CSMD1: variants seen among roughly 807,000 people sequenced by gnomAD.
CSMD1 encodes the protein CUB and sushi domain-containing protein 1.
CSMD1 carries 213 observed loss-of-function variants against 417.5 expected under a neutral mutation model. The ratio of observed to expected loss-of-function variants is 0.51; its 90% CI spans 0.46 to 0.57. The LOEUF is 0.57. CSMD1 is among the 20% of genes least tolerant of loss of function. The pLI is 0.00. For synonymous variants in CSMD1, 2,862 were observed against 1,736.8 expected (o/e 1.65, Z -16.11); for missense variants, 6,923 against 4,529.7 (o/e 1.53, Z -15.17).
chr8:3,573,410 A>C (rs1800022268), intron 10 of CSMD1, among the ~76,000 whole-genome samples: 1 of 152,198 alleles, frequency 6.6e-6, no homozygotes, highest in African/African-American at 2.4e-5. Flanking sequence ...CCCAGGGTAC[A>C]ACACGGCTCT....
intron 37 of CSMD1, among the ~76,000 whole-genome samples, chr8:3,176,898 C>T (rs1394776731): frequency 6.6e-6 from 1 of 151,940 alleles, no homozygotes; most frequent in East Asian, 1.9e-4. Flanking sequence ...CCCACCTCAG[C>T]CTCCTGTGTA....
At chr8:4,872,165 C>G (rs1421967711) in intron 1 of CSMD1, among the ~76,000 whole-genome samples, 1 of 152,114 alleles carries the variant, frequency 6.6e-6, no homozygotes, top group Non-Finnish European at 1.5e-5. Context: ...TGAATGCAAA[C>G]TAAGGCACTC....
At chr8:3,041,465 T>C (rs1341623095) in intron 50 of CSMD1, among the ~76,000 whole-genome samples, 2 of 152,132 alleles carry the variant, frequency 1.3e-5, no homozygotes, top group African/African-American at 2.4e-5. Context: ...TCTAGCAACA[T>C]TTAAATTTTT....
chr8:4,640,582 T>G (rs565154138), intron 1 of CSMD1, among the ~76,000 whole-genome samples: 1 of 152,204 alleles, frequency 6.6e-6, no homozygotes, highest in African/African-American at 2.4e-5. Flanking sequence ...ATACATGTTT[T>G]CTTTGTAAAC....
rs1291103877 is a variant in CSMD1 at position 4,050,786 on chromosome 8, T to C, written c.416-18687A>G. On this transcript the variant is annotated intron_variant, in intron 3 of 69. Transcript: ENST00000635120. ...TTGACCAAGTGTATAAAATTCAGAG[T>C]CCCTGAAACGGTGAATTTACCATCT... Among the ~76,000 whole-genome samples, 4 of 152,082 alleles carry C rather than the reference T, an allele frequency of 2.6e-5. No homozygotes were observed. In the East Asian group the frequency reaches 7.7e-4, roughly 29 times the overall value.
At chr8:3,881,525 T>C (rs1044648754) in intron 5 of CSMD1, among the ~76,000 whole-genome samples, 1 of 149,134 alleles carries the variant, frequency 6.7e-6, no homozygotes, top group African/African-American at 2.5e-5. Context: ...TAATCTCAGC[T>C]ACTCAGGAGG....
chr8:3,302,852 G>C (rs1019228100), intron 25 of CSMD1, among the ~76,000 whole-genome samples: 3 of 152,120 alleles, frequency 2.0e-5, no homozygotes, highest in Non-Finnish European at 2.9e-5. Context: ...TAACTAATCT[G>C]TGGCAACTGA....
At chr8:4,596,794 C>A in intron 2 of CSMD1, among the ~76,000 whole-genome samples, 1 of 152,322 alleles carries the variant, frequency 6.6e-6, no homozygotes, top group East Asian at 1.9e-4. Context: ...AACTTGAATT[C>A]TATCTACCAG....
At chr8:2,946,311 G>A (rs138511724) in intron 68 of CSMD1, among the ~76,000 whole-genome samples, 2 of 152,254 alleles carry the variant, frequency 1.3e-5, no homozygotes, top group Non-Finnish European at 1.5e-5. Flanking sequence ...ATAGGGTGGT[G>A]CAATCACCAC....
intron 10 of CSMD1, among the ~76,000 whole-genome samples, chr8:3,568,882 C>T (rs879453524): frequency 5.9e-5 from 9 of 152,024 alleles, no homozygotes; most frequent in Non-Finnish European, 7.4e-5. Context: ...CTTCATGATA[C>T]ATTTAAACTT....
chr8:3,958,852 T>G (rs1812140323), intron 5 of CSMD1, among the ~76,000 whole-genome samples: 1 of 152,188 alleles, frequency 6.6e-6, no homozygotes, highest in Non-Finnish European at 1.5e-5. Flanking sequence ...GTAGGTGAAG[T>G]GTAAGTAGAT....
At chr8:4,446,759 G>GTGTGTGTC (rs1798829091) in intron 2 of CSMD1, among the ~76,000 whole-genome samples, 6 of 47,114 alleles carry the variant, frequency 1.3e-4, no homozygotes, top group South Asian at 8.0e-4. Context: ...GTGTGTCTGT[G>GTGTGTGTC]TGTGTGTGTG....
At chr8:4,319,130 G>C (rs181386092) in intron 3 of CSMD1, among the ~76,000 whole-genome samples, 5 of 152,198 alleles carry the variant, frequency 3.3e-5, no homozygotes, top group East Asian at 1.9e-4. Context: ...TTTAAAAGCA[G>C]ATTAAATCAA....
At chr8:4,759,814 G>A (rs180762698) in intron 1 of CSMD1, among the ~76,000 whole-genome samples, 1 of 152,154 alleles carries the variant, frequency 6.6e-6, no homozygotes, top group Admixed American at 6.5e-5. Flanking sequence ...GTGTGTCACT[G>A]ATGGACATTT....
At position 4,020,066 on chromosome 8, in the gene CSMD1, T is replaced by C. The variant is rs879698139; in HGVS notation, c.610+11839A>G. On this transcript the variant is annotated intron_variant, in intron 4 of 69. Coordinates refer to ENST00000635120, the MANE Select transcript of CSMD1 (RefSeq NM_033225.6). ...GCTTAAGAGTGGAAGGGAGAGGAGA[T>C]AGAGACAGTAATTATAGCAGCTGAT... Among the ~76,000 whole-genome samples, 8 of 152,146 alleles carry C rather than the reference T, an allele frequency of 5.3e-5. No individual in the cohort carries two copies. The South Asian group carries it at 6.2e-4, about 12-fold the overall frequency.
chr8:3,835,304 A>C (rs1363786094), intron 5 of CSMD1, among the ~76,000 whole-genome samples: 11 of 152,106 alleles, frequency 7.2e-5, no homozygotes, highest in Admixed American at 3.9e-4. Flanking sequence ...AATAGCAAAG[A>C]CTTGGAACCA....
At chr8:3,564,531 G>GTGTGTGTC (rs1554471482) in intron 10 of CSMD1, among the ~76,000 whole-genome samples, 1 of 151,548 alleles carries the variant, frequency 6.6e-6, no homozygotes, top group African/African-American at 2.4e-5. Context: ...GTGTGTGTGT[G>GTGTGTGTC]TGTGTGTGTG....
At position 3,708,610 on chromosome 8, in the gene CSMD1, G is replaced by A. The variant is rs369546010; in HGVS notation, c.932-119C>T. ...CTATCAACCCCCGAAAATGGGAAAT[G>A]TTCTAAGAGGTGAATGATACCAAGT... On this transcript the variant is annotated intron_variant, in intron 6 of 69. Coordinates refer to ENST00000635120, the MANE Select transcript of CSMD1 (RefSeq NM_033225.6). 1.2e-4 allele frequency: 92 copies of A among 756,746 alleles called. No homozygotes were observed. In the African/African-American group the frequency reaches 1.4e-3, roughly 11 times the overall value. The allele number at this position is 756,746 out of a possible 1,614,324, so 46.9% of individuals were successfully genotyped here.
chr8:4,962,354 G>A (rs1241783361), intron 1 of CSMD1, among the ~76,000 whole-genome samples: 1 of 151,978 alleles, frequency 6.6e-6, no homozygotes, highest in African/African-American at 2.4e-5. Context: ...AGGACTACAG[G>A]TGCAAGCCAT....
Sources: gnomAD v4.1 joint callset for allele counts (sites outside exome capture counted in the v4.1 genomes callset) on GRCh38, gnomAD v4.1.1 for gene constraint, MANE v1.5 for transcripts, NCBI Gene and HGNC (gene_info 2026-07-23, HGNC 2026-07-21) for gene names.